The following EIF4E3 variants were observed in gnomAD, a reference collection of about 807,000 sequenced individuals.
The protein encoded by EIF4E3 is eukaryotic translation initiation factor 4E family member 3, also known as eukaryotic translation initiation factor 4E type 3.
In EIF4E3, 26 loss-of-function variants were observed where a neutral mutation model predicts 31.7. That is an observed-to-expected ratio of 0.82 (90% CI 0.60 to 1.14). The LOEUF is 1.14. Ranked by LOEUF, EIF4E3 falls within the 50% of genes most tolerant of loss-of-function variation. The pLI is 0.00. For missense variants in EIF4E3, 304 were observed against 270.9 expected, an observed-to-expected ratio of 1.12 and a Z score of -0.86; for synonymous variants, 128 against 107.7, an observed-to-expected ratio of 1.19 and a Z score of -1.17.
chr3:71,687,368 G>A (rs2049006460), intron 6 of EIF4E3, among the ~76,000 whole-genome samples: 1 of 152,040 alleles, frequency 6.6e-6, no homozygotes, highest in Non-Finnish European at 1.5e-5. Flanking sequence ...GAAACAAATG[G>A]GTATTGCTCT....
intron 1 of EIF4E3, among the ~76,000 whole-genome samples, chr3:71,734,053 C>T (rs1040081932): frequency 6.6e-6 from 1 of 152,172 alleles, no homozygotes; most frequent in African/African-American, 2.4e-5. Flanking sequence ...CAGAAAGATC[C>T]TGTTAATTTT....
rs553499559 is a variant in EIF4E3, at chr3:71,725,323, C to G, written c.45G>C (p.Glu15Asp). 1.0e-6 allele frequency: 1 copy of G among 968,954 alleles called. No homozygotes were observed. Among genetic ancestry groups the G allele is most frequent in the Non-Finnish European group, 1.2e-6 (1 of 817,296 alleles). The allele number at this position is 968,954 out of a possible 1,614,324, so 60.0% of individuals were successfully genotyped here. The change falls in exon 1 of 7, where the codon GAG becomes GAC. Residue 15 changes from glutamate (E) to aspartate (D), a missense_variant. By Grantham distance (45) the Glu-to-Asp change is conservative. Coordinates refer to ENST00000425534, the MANE Select transcript of EIF4E3 (RefSeq NM_001134651.2). This position sits in a 1 kb window ranked among gnomAD's most constrained non-coding sequence, Gnocchi z 6.1. Reference protein sequence around the residue: ...PAAAPPAGAREPPGSRAAAAA... With the variant: ...PAAAPPAGARDPPGSRAAAAA... Reference sequence around the variant, plus strand: ...CGGCGGCGGCGCGGGACCCCGGCGGCTCCCGGGCCCCGGCGGGGGGCGCGG... The same window carrying G: ...CGGCGGCGGCGCGGGACCCCGGCGGGTCCCGGGCCCCGGCGGGGGGCGCGG...
chr3:71,726,103 T>TA (rs2049635173), upstream of EIF4E3, among the ~76,000 whole-genome samples: 4 of 152,108 alleles, frequency 2.6e-5, no homozygotes, highest in Admixed American at 2.0e-4. Context: ...GGTGAGAGCA[T>TA]ACTTCCTAAC....
chr3:71,687,651 T>C (rs924430186), intron 6 of EIF4E3, among the ~76,000 whole-genome samples: 1 of 152,174 alleles, frequency 6.6e-6, no homozygotes, highest in East Asian at 1.9e-4. Flanking sequence ...GTGGGGCTGG[T>C]CAGTGAGTGG....
intron 4 of EIF4E3, among the ~76,000 whole-genome samples, chr3:71,695,538 CTTATA>C (rs1372570875): frequency 2.0e-5 from 3 of 152,170 alleles, no homozygotes; most frequent in African/African-American, 7.2e-5. Context: ...CCCTCATTCT[CTTATA>C]TTCTCTGCTG....
intron 1 of EIF4E3, among the ~76,000 whole-genome samples, chr3:71,746,094 A>G (rs2049869711): frequency 6.6e-6 from 1 of 152,154 alleles, no homozygotes; most frequent in African/African-American, 2.4e-5. Context: ...TTTTCTTTCA[A>G]TTATATATTA....
chr3:71,720,984 G>T (rs935720076), intron 1 of EIF4E3, among the ~76,000 whole-genome samples: 1 of 152,180 alleles, frequency 6.6e-6, no homozygotes, highest in Non-Finnish European at 1.5e-5. Context: ...TGAAAAACTG[G>T]AAGTATGGCA....
At chr3:71,670,414 C>T (rs1054093175), downstream of EIF4E3, among the ~76,000 whole-genome samples, 4 of 152,044 alleles carry the variant, frequency 2.6e-5, no homozygotes, top group Non-Finnish European at 5.9e-5. Flanking sequence ...TCCATTGCAC[C>T]CCCCCAACCC....
At chr3:71,693,742 A>G in intron 5 of EIF4E3, 133 bp downstream of exon 5, 5 of 822,966 alleles carry the variant, frequency 6.1e-6, no homozygotes, top group South Asian at 2.5e-5. Context: ...AAAATTGAGT[A>G]ACTTTGTAGT....
chr3:71,683,804 C>T lies in EIF4E3; in HGVS notation c.*878G>A, dbSNP rs2048954046. On this transcript the variant is annotated 3_prime_UTR_variant, in exon 7 of 7. Transcript: ENST00000425534. ...AAAGCCCTAAGTGGGTAAACACACC[C>T]GAACTTTGCAAGGAGCTTAATTCAA... 6.6e-6 allele frequency: 1 copy of T among 152,108 alleles called. No individual in the cohort carries two copies. Among genetic ancestry groups the T allele is most frequent in the Non-Finnish European group, 1.5e-5 (1 of 68,012 alleles). 9.4% of individuals were successfully genotyped at this position (152,108 alleles called of 1,614,324 possible).
chr3:71,659,441 C>A, the EIF4E3 span, among the ~76,000 whole-genome samples: 2 of 152,186 alleles, frequency 1.3e-5, no homozygotes, highest in African/African-American at 4.8e-5. Flanking sequence ...ATAGAACATA[C>A]TGGTCTCAGC....
upstream of EIF4E3, among the ~76,000 whole-genome samples, chr3:71,729,761 A>G (rs567355764): frequency 6.6e-6 from 1 of 150,868 alleles, no homozygotes; most frequent in Admixed American, 6.6e-5. Flanking sequence ...TACAGACAAA[A>G]GAAATTCCTC....
chr3:71,745,717 G>A (rs1387552790), intron 1 of EIF4E3, among the ~76,000 whole-genome samples: 3 of 152,160 alleles, frequency 2.0e-5, no homozygotes. Context: ...CTGTAGTCCT[G>A]GTGGTTGCAT....
upstream of EIF4E3, chr3:71,754,665 T>C (rs1161790204): frequency 1.3e-6 from 2 of 1,501,210 alleles, no homozygotes; most frequent in Non-Finnish European, 1.8e-6. This position sits in a 1 kb window ranked among gnomAD's most constrained non-coding sequence, Gnocchi z 5.8. Context: ...CCGCCTGCTC[T>C]TCTTCATCCA....
rs139943647 is a variant in EIF4E3, at chr3:71,708,719, C to T, written c.249+1693G>A. Among the ~76,000 whole-genome samples, 58 of 152,180 alleles carry T rather than the reference C, an allele frequency of 3.8e-4. No individual in the cohort carries two copies. The East Asian group carries it at 9.3e-3, about 24-fold the overall frequency. ...GACTCTGAGAGCCTTTACATGAGGA[C>T]AGGCCTTCAAATCAAGTGCTCTGAG... On this transcript the variant is annotated intron_variant, in intron 2 of 6. Transcript: ENST00000425534.
At chr3:71,717,503 C>T (rs977025181) in intron 1 of EIF4E3, among the ~76,000 whole-genome samples, 3 of 152,230 alleles carry the variant, frequency 2.0e-5, no homozygotes, top group South Asian at 2.1e-4. Flanking sequence ...CAGCAAATTC[C>T]GAGGCAGGGA....
intron 2 of EIF4E3, 47 bp downstream of exon 2, chr3:71,710,365 T>A: frequency 6.5e-7 from 1 of 1,535,750 alleles, no homozygotes; most frequent in Admixed American, 2.0e-5. Flanking sequence ...TGATTAGGTG[T>A]CTGACGTGTG....
At chr3:71,705,874 C>T (rs1559598411) in intron 2 of EIF4E3, among the ~76,000 whole-genome samples, 1 of 152,198 alleles carries the variant, frequency 6.6e-6, no homozygotes, top group African/African-American at 2.4e-5. Context: ...GCAATCCTCC[C>T]ACCTCAGCTT....
At chr3:71,670,326 G>T in the EIF4E3 span, among the ~76,000 whole-genome samples, 3 of 152,172 alleles carry the variant, frequency 2.0e-5, no homozygotes, top group East Asian at 5.8e-4. Context: ...AGATAAGGTA[G>T]GTGCCTCTTC....
Sources: gnomAD v4.1 joint callset for allele counts (sites outside exome capture counted in the v4.1 genomes callset) on GRCh38, gnomAD v4.1.1 for gene constraint, Gnocchi (gnomAD v3.1) non-coding constraint, MANE v1.5 for transcripts, NCBI Gene and HGNC (gene_info 2026-07-23, HGNC 2026-07-21) for gene names.